CYP4F12: variants seen among roughly 807,000 people sequenced by gnomAD.
CYP4F12 encodes the protein cytochrome P450 4F12.
CYP4F12 carries 60 observed loss-of-function variants against 56.5 expected under a neutral mutation model. That is an observed-to-expected ratio of 1.06 (90% CI 0.86 to 1.32). The LOEUF (loss-of-function observed/expected upper bound fraction) is 1.32. CYP4F12 is among the 40% of genes most tolerant of loss of function. CYP4F12 has a pLI of 0.00. For missense variants in CYP4F12, 711 were observed against 683.5 expected, an observed-to-expected ratio of 1.04 and a Z score of -0.45; for synonymous variants, 263 against 264.9, an observed-to-expected ratio of 0.99 and a Z score of 0.07.
At chr19:15,691,172 T>A (rs1172430733) in intron 9 of CYP4F12, among the ~76,000 whole-genome samples, 2 of 152,240 alleles carry the variant, frequency 1.3e-5, no homozygotes, top group African/African-American at 4.8e-5. Context: ...GTGACAGGAC[T>A]AGTGATCCTT....
At position 15,678,300 on chromosome 19, in the gene CYP4F12, A is replaced by C. The variant is rs560798023; in HGVS notation, c.238A>C (p.Met80Leu). The C allele has an allele frequency of 8.1e-6, 13 of 1,614,062 alleles. No homozygotes were observed. The highest frequency in any genetic ancestry group is 1.1e-5 in the Non-Finnish European group (13 of 1,180,034). Residue 80 changes from methionine to leucine, a missense_variant, in exon 3 of 13, where the codon ATG (methionine) becomes CTG (leucine). By Grantham distance (15) the Met-to-Leu change is conservative. Transcript: ENST00000550308. ...GGAGGGCTTGAAGAACTCGACCCAGATGTCGGCCACCTATTCCCAGGGCTT... is the reference window on the plus strand; with the variant it reads ...GGAGGGCTTGAAGAACTCGACCCAGCTGTCGGCCACCTATTCCCAGGGCTT... Reference protein sequence around the residue: ...TEEGLKNSTQMSATYSQGFTV... With the variant: ...TEEGLKNSTQLSATYSQGFTV...
intron 9 of CYP4F12, among the ~76,000 whole-genome samples, chr19:15,692,984 A>G (rs568944501): frequency 6.6e-6 from 1 of 152,174 alleles, no homozygotes; most frequent in Non-Finnish European, 1.5e-5. Flanking sequence ...AGGCTGAGGC[A>G]GTAGAATCAC....
chr19:15,686,978 A>T (rs2007639466), intron 9 of CYP4F12, among the ~76,000 whole-genome samples: 1 of 150,374 alleles, frequency 6.7e-6, no homozygotes, highest in South Asian at 2.1e-4. Flanking sequence ...AAACAAAAAA[A>T]AGTGTCTAAA....
At chr19:15,678,207 T>A in intron 2 of CYP4F12, 54 bp from the exon 3 acceptor site, 1 of 1,610,262 alleles carries the variant, frequency 6.2e-7, no homozygotes. Flanking sequence ...CCCAGTCTAG[T>A]GGACACCTAA....
intron 9 of CYP4F12, among the ~76,000 whole-genome samples, chr19:15,692,274 A>C (rs1167588950): frequency 6.6e-6 from 1 of 151,888 alleles, no homozygotes; most frequent in Non-Finnish European, 1.5e-5. Context: ...TTTTGTTGTT[A>C]AATCAACCCC....
intron 9 of CYP4F12, among the ~76,000 whole-genome samples, chr19:15,689,749 C>T (rs1251854462): frequency 6.6e-6 from 1 of 152,184 alleles, no homozygotes; most frequent in Admixed American, 6.5e-5. Context: ...GGCATATATA[C>T]ACAATGGAAT....
At chr19:15,684,402 A>G (rs1568420547) in intron 7 of CYP4F12, 1 of 169,980 alleles carries the variant, frequency 5.9e-6, no homozygotes, top group Non-Finnish European at 1.2e-5. Context: ...TTCTGGAAAG[A>G]TAAGATTCTC....
chr19:15,693,116 T>C (rs1183454369), intron 9 of CYP4F12, among the ~76,000 whole-genome samples: 1 of 152,060 alleles, frequency 6.6e-6, no homozygotes, highest in East Asian at 1.9e-4. Flanking sequence ...CTACAGTAGA[T>C]GGTGTGCTCC....
chr19:15,673,944 C>T (rs1433342964), intron 2 of CYP4F12, among the ~76,000 whole-genome samples: 1 of 58,994 alleles, frequency 1.7e-5, no homozygotes, highest in African/African-American at 6.3e-5. Flanking sequence ...CTCACTCACT[C>T]CTCTACCCAC....
intron 9 of CYP4F12, among the ~76,000 whole-genome samples, chr19:15,686,021 G>C (rs570635877): frequency 6.6e-6 from 1 of 152,278 alleles, no homozygotes; most frequent in South Asian, 2.1e-4. Flanking sequence ...GACCTGGAAA[G>C]AACCCTGCCT....
chr19:15,683,639 A>G lies in CYP4F12; in HGVS notation c.794A>G (p.Asp265Gly). The G allele has an allele frequency of 6.2e-7, 1 of 1,614,000 alleles. No individual in the cohort carries two copies. The highest frequency in any genetic ancestry group is 1.1e-5 in the South Asian group (1 of 91,074). The change falls in exon 7 of 13, where the codon GAC (aspartate) becomes GGC (glycine). Residue 265 changes from aspartate to glycine, a missense_variant. By Grantham distance (94) the Asp-to-Gly change is moderately conservative. Coordinates refer to ENST00000550308, the MANE Select transcript of CYP4F12 (RefSeq NM_023944.4). ...CACAGGGCCTGCCGCCTGGTGCATGACTTCACAGACGCTGTCATCCGGGAG... is the reference window on the plus strand; with the variant it reads ...CACAGGGCCTGCCGCCTGGTGCATGGCTTCACAGACGCTGTCATCCGGGAG... ...RFHRACRLVH[D>G]FTDAVIRERR... is the part of the protein sequence containing the mutation.
At chr19:15,688,982 A>G (rs2007747258) in intron 9 of CYP4F12, among the ~76,000 whole-genome samples, 1 of 152,198 alleles carries the variant, frequency 6.6e-6, no homozygotes. Context: ...CAGAAACCAT[A>G]ACAATTTTAT....
intron 9 of CYP4F12, among the ~76,000 whole-genome samples, chr19:15,692,014 G>C (rs1007370961): frequency 6.6e-6 from 1 of 152,070 alleles, no homozygotes; most frequent in Non-Finnish European, 1.5e-5. Flanking sequence ...CTGGAGTGCA[G>C]TGGTGCGATC....
At chr19:15,687,384 T>C (rs978074193) in intron 9 of CYP4F12, among the ~76,000 whole-genome samples, 2 of 152,224 alleles carry the variant, frequency 1.3e-5, no homozygotes, top group African/African-American at 4.8e-5. Context: ...GCCCACTTTA[T>C]AAGAACACAG....
chr19:15,673,559 C>T lies in CYP4F12; in HGVS notation c.30C>T (p.Gly10=), dbSNP rs1369855813. 1 of 1,614,066 alleles carries T rather than the reference C, an allele frequency of 6.2e-7. No homozygotes were observed. Among genetic ancestry groups the T allele is most frequent in the African/African-American group, 1.3e-5 (1 of 75,050 alleles). MSLLSLPWL[G]LRPVATSPWL... Reference sequence around the variant, plus strand: ...CGCTGCTGAGCCTGCCCTGGCTGGGCCTCAGACCGGTGGCAACGTCCCCAT... The same window carrying T: ...CGCTGCTGAGCCTGCCCTGGCTGGGTCTCAGACCGGTGGCAACGTCCCCAT... Residue 10 remains glycine (G), a synonymous_variant, in exon 2 of 13, where the codon GGC becomes GGT. Coordinates refer to ENST00000550308, the MANE Select transcript of CYP4F12 (RefSeq NM_023944.4).
intron 9 of CYP4F12, among the ~76,000 whole-genome samples, chr19:15,691,488 T>C (rs2007865040): frequency 6.6e-6 from 1 of 152,194 alleles, no homozygotes; most frequent in Non-Finnish European, 1.5e-5. Context: ...AGTATTATTG[T>C]ATTATTAAAT....
chr19:15,680,126 C>T lies in CYP4F12; in HGVS notation c.344-118C>T, dbSNP rs144765311. On this transcript the variant is annotated intron_variant, in intron 3 of 12. Coordinates refer to ENST00000550308, the MANE Select transcript of CYP4F12 (RefSeq NM_023944.4). ...TCCTCCCTTCGTCCTTTGCCCTTGG[C>T]CCCCTTCCTGCTATGCTGGGCATGG... The T allele has an allele frequency of 4.5e-3, 6,170 of 1,371,288 alleles. 28 individuals carry two copies. The African/African-American group carries it at 0.081, about 18-fold the overall frequency. 84.9% of individuals were successfully genotyped at this position (1,371,288 alleles called of 1,614,324 possible).
Position 15,685,081 on chromosome 19 carries a change from G to C in CYP4F12, c.999G>C (p.Thr333=). ...GCTGCTCCTCAGGCCATGACACCAC[G>C]GCCAGTGGCCTCTCCTGGGTCCTGT... ...DTFMFGGHDT[T]ASGLSWVLYN... The change falls in exon 9 of 13, where the codon ACG becomes ACC. Residue 333 remains threonine, a synonymous_variant. Coordinates refer to ENST00000550308, the MANE Select transcript of CYP4F12 (RefSeq NM_023944.4). 1 of 1,613,904 alleles carries C rather than the reference G, an allele frequency of 6.2e-7. No individual in the cohort carries two copies. The highest frequency in any genetic ancestry group is 8.5e-7 in the Non-Finnish European group (1 of 1,179,904).
At chr19:15,696,881 A>T (rs770736319) in intron 12 of CYP4F12, 27 bp from the exon 13 acceptor site, 2 of 1,592,006 alleles carry the variant, frequency 1.3e-6, no homozygotes, top group Non-Finnish European at 1.7e-6. Context: ...TCTTGGGCAC[A>T]GTCACAGTCC....
Sources: gnomAD v4.1 joint callset for allele counts (sites outside exome capture counted in the v4.1 genomes callset) on GRCh38, gnomAD v4.1.1 for gene constraint, MANE v1.5 for transcripts, NCBI Gene and HGNC (gene_info 2026-07-23, HGNC 2026-07-21) for gene names.